SIK2: variants seen among roughly 807,000 people sequenced by gnomAD.
SIK2 encodes serine/threonine-protein kinase SIK2.
Under a neutral mutation model 103.2 loss-of-function variants are expected in SIK2, and 29 were observed. The ratio of observed to expected loss-of-function variants is 0.28; its 90% CI spans 0.21 to 0.38. The LOEUF (loss-of-function observed/expected upper bound fraction) is 0.38, where lower values mean the gene tolerates loss of function less well. SIK2 is among the 10% of genes least tolerant of loss of function. The pLI, the probability that SIK2 is intolerant of heterozygous loss-of-function variation, is 1.00. For missense variants in SIK2, 879 were observed against 1,171.0 expected (o/e 0.75, Z 3.64); for synonymous variants, 412 against 446.1 (o/e 0.92, Z 0.96).
intron 1 of SIK2, among the ~76,000 whole-genome samples, chr11:111,604,616 A>G (rs541198): frequency 0.6 from 90,518 of 152,100 alleles, 30,088 homozygotes; most frequent in East Asian, 0.96. Flanking sequence ...TGGTTTGGCT[A>G]TCAGAGTGAG....
At chr11:111,638,655 C>A (rs1942141700) in intron 3 of SIK2, among the ~76,000 whole-genome samples, 1 of 152,004 alleles carries the variant, frequency 6.6e-6, no homozygotes, top group East Asian at 1.9e-4. Flanking sequence ...GTGATATAGT[C>A]TCTTATCTCT....
intron 9 of SIK2, among the ~76,000 whole-genome samples, chr11:111,717,317 C>CA (rs34473568): frequency 0.28 from 13,645 of 49,438 alleles, 5,930 homozygotes; most frequent in Admixed American, 0.33. Flanking sequence ...GACTCCGTCT[C>CA]AAAAAAAAAA....
intron 3 of SIK2, among the ~76,000 whole-genome samples, chr11:111,621,666 C>A (rs1023637690): frequency 6.6e-6 from 1 of 152,130 alleles, no homozygotes; most frequent in Non-Finnish European, 1.5e-5. Context: ...GTAATCCCAG[C>A]ACTTTTAGGA....
chr11:111,718,140 C>T (rs1943699639), intron 9 of SIK2, among the ~76,000 whole-genome samples: 1 of 152,140 alleles, frequency 6.6e-6, no homozygotes, highest in African/African-American at 2.4e-5. Context: ...AAAATTTTGA[C>T]GGAGGCCGTA....
At position 111,722,195 on chromosome 11, in the gene SIK2, C is replaced by T. The variant is rs540791231; in HGVS notation, c.2055+255C>T. Among the ~76,000 whole-genome samples the T allele has an allele frequency of 1.1e-4, 17 of 152,272 alleles. No homozygotes were observed. The highest frequency in any genetic ancestry group is 3.9e-4 in the African/African-American group (16 of 41,554). On this transcript the variant is annotated intron_variant, in intron 13 of 14. Coordinates refer to ENST00000304987, the MANE Select transcript of SIK2 (RefSeq NM_015191.3). This position sits in a 1 kb window ranked among gnomAD's most constrained non-coding sequence, Gnocchi z 4.4. The stretch of plus-strand genomic sequence containing the variant: ...GCCACTGAGGGGTGGGAACGGGAGA[C>T]CTGGCTTCTTTCTTTCTAATTGTAT...
chr11:111,717,295 G>GCGA lies in SIK2; in HGVS notation c.1267-2478_1267-2476dup, dbSNP rs1271438266. ...CTCACCACTGCACTCCAGAGCCTGGGCGACAGAGCGAGACTCCGTCTCAAA... is the reference window on the plus strand; with the variant it reads ...CTCACCACTGCACTCCAGAGCCTGGGCGACGACAGAGCGAGACTCCGTCTCAAA... On this transcript the variant is annotated intron_variant, in intron 9 of 14. Coordinates refer to ENST00000304987, the MANE Select transcript of SIK2 (RefSeq NM_015191.3). Among the ~76,000 whole-genome samples, 10 of 119,232 alleles carry GCGA rather than the reference G, an allele frequency of 8.4e-5. No homozygotes were observed. In the South Asian group the frequency reaches 2.3e-3, roughly 28 times the overall value. 78.2% of individuals were successfully genotyped at this position (119,232 alleles called of 152,430 possible). A position where few individuals can be genotyped will look rare whatever the true frequency, so the allele number is the denominator to read the frequency against.
intron 3 of SIK2, among the ~76,000 whole-genome samples, chr11:111,680,075 T>C (rs1942757506): frequency 6.6e-6 from 1 of 150,398 alleles, no homozygotes; most frequent in Non-Finnish European, 1.5e-5. Flanking sequence ...TGAGCCGAGA[T>C]CACACCATTG....
At position 111,726,874 on chromosome 11, in the gene SIK2, T is replaced by C; in HGVS notation, c.*2745T>C. The stretch of plus-strand genomic sequence containing the variant: ...CCAGGCTCCTCTGAAGAGACTTTGG[T>C]GAGATGAACGTGAGGTAAAAATTTC... On this transcript the variant is annotated 3_prime_UTR_variant, in exon 15 of 15. Transcript: ENST00000304987. 8.6e-7 allele frequency: 1 copy of C among 1,157,582 alleles called. No individual in the cohort carries two copies. Among genetic ancestry groups the C allele is most frequent in the Non-Finnish European group, 1.3e-6 (1 of 788,236 alleles). 71.7% of individuals were successfully genotyped at this position (1,157,582 alleles called of 1,614,324 possible). A position where few individuals can be genotyped will look rare whatever the true frequency, so the allele number is the denominator to read the frequency against.
chr11:111,660,514 C>T (rs1942453299), intron 3 of SIK2, among the ~76,000 whole-genome samples: 1 of 152,154 alleles, frequency 6.6e-6, no homozygotes, highest in Non-Finnish European at 1.5e-5. Flanking sequence ...TGAGTGAGGA[C>T]TCCCCAAAAG....
chr11:111,631,867 C>A (rs1280472837), intron 3 of SIK2, among the ~76,000 whole-genome samples: 1 of 152,096 alleles, frequency 6.6e-6, no homozygotes, highest in African/African-American at 2.4e-5. Flanking sequence ...GCCAAAAGAG[C>A]AATTATGGTG....
In SIK2 at chr11:111,727,029, G is replaced by A; in HGVS notation, c.*2900G>A. ...TCCCAGCTGGGCAAGTGTGTCTCTA[G>A]TATCTCCACGCAACTGATACACTGG... On this transcript the variant is annotated 3_prime_UTR_variant, in exon 15 of 15. Coordinates refer to ENST00000304987, the MANE Select transcript of SIK2 (RefSeq NM_015191.3). The A allele has an allele frequency of 3.7e-6, 6 of 1,614,138 alleles. No individual in the cohort carries two copies. Among genetic ancestry groups the A allele is most frequent in the Non-Finnish European group, 5.1e-6 (6 of 1,180,020 alleles).
chr11:111,685,274 A>G (rs1417877530), intron 3 of SIK2, among the ~76,000 whole-genome samples: 1 of 152,210 alleles, frequency 6.6e-6, no homozygotes, highest in African/African-American at 2.4e-5. Flanking sequence ...TGCAGTTCAC[A>G]ATAGGGTTCA....
chr11:111,720,851 A>G (rs772910998), intron 11 of SIK2, 48 bp from the exon 12 acceptor site: 11 of 1,597,260 alleles, frequency 6.9e-6, no homozygotes, highest in South Asian at 6.9e-5. Flanking sequence ...GGTCACTGAA[A>G]GGCCTTGTAT....
chr11:111,708,252 C>T (rs908024081), intron 8 of SIK2, among the ~76,000 whole-genome samples: 5 of 152,130 alleles, frequency 3.3e-5, no homozygotes, highest in Non-Finnish European at 7.4e-5. Flanking sequence ...TATGGTAGTG[C>T]GTGCTTATAA....
intron 3 of SIK2, among the ~76,000 whole-genome samples, chr11:111,662,864 G>A (rs186264640): frequency 2.0e-5 from 3 of 151,392 alleles, no homozygotes; most frequent in South Asian, 4.2e-4. Flanking sequence ...GGAGATGGGC[G>A]AGACCTTGTC....
intron 14 of SIK2, 123 bp from the exon 15 acceptor site, chr11:111,723,373 T>G: frequency 9.2e-7 from 1 of 1,090,684 alleles, no homozygotes; most frequent in East Asian, 2.5e-5. Context: ...TTCCCACTTG[T>G]TTTTGCTGAC....
intron 3 of SIK2, among the ~76,000 whole-genome samples, chr11:111,650,470 T>C (rs1346517995): frequency 6.6e-6 from 1 of 152,146 alleles, no homozygotes; most frequent in Non-Finnish European, 1.5e-5. Flanking sequence ...ATTTAAAAAA[T>C]ATTTATTGTG....
At position 111,703,308 on chromosome 11, in the gene SIK2, A is replaced by G. The variant is rs1258566508; in HGVS notation, c.833A>G (p.Gln278Arg). The G allele has an allele frequency of 4.3e-6, 7 of 1,614,088 alleles. No individual in the cohort carries two copies. Among genetic ancestry groups the G allele is most frequent in the Non-Finnish European group, 5.9e-6 (7 of 1,180,030 alleles). The stretch of plus-strand genomic sequence containing the variant: ...TGGATGCTCATAGAAGTTCCTGTCC[A>G]GAGACCTGTTCTCTATCCACAAGAG... ...HKWMLIEVPVQRPVLYPQEQE... is the reference protein window; with the variant it reads ...HKWMLIEVPVRRPVLYPQEQE... Residue 278 changes from glutamine (Q) to arginine (R), a missense_variant, in exon 7 of 15, where the codon CAG becomes CGG. Gln to Arg is a conservative substitution (Grantham distance 43). Around this residue, in one of 7 missense-constraint regions of SIK2, gnomAD observed 99 missense variants for 153.9 expected, o/e 0.64. Transcript: ENST00000304987.
At chr11:111,720,877 T>C in intron 11 of SIK2, 22 bp from the exon 12 acceptor site, 1 of 1,610,614 alleles carries the variant, frequency 6.2e-7, no homozygotes, top group Non-Finnish European at 8.5e-7. Context: ...TTAAACTGTT[T>C]GGTCTTGGTG....
Sources: gnomAD v4.1 joint callset for allele counts (sites outside exome capture counted in the v4.1 genomes callset) on GRCh38, gnomAD v4.1.1 for gene constraint, gnomAD v4.1.1 regional missense constraint, Gnocchi (gnomAD v3.1) non-coding constraint, MANE v1.5 for transcripts, NCBI Gene and HGNC (gene_info 2026-07-23, HGNC 2026-07-21) for gene names.